The following DACH2 variants were observed in gnomAD, a reference collection of about 807,000 sequenced individuals.
DACH2 encodes dachshund family transcription factor 2, also known as dachshund homolog 2.
Under a neutral mutation model 35.8 loss-of-function variants are expected in DACH2, and 17 were observed. The observed-to-expected ratio is 0.48, with a 90% CI of 0.33 to 0.71. The LOEUF is 0.71. Ranked by LOEUF, DACH2 falls within the 30% of genes least tolerant of loss-of-function variation. The pLI, the probability that DACH2 is intolerant of heterozygous loss-of-function variation, is 0.02. For missense variants in DACH2, 469 were observed against 472.7 expected (o/e 0.99, Z 0.07); for synonymous variants, 195 against 177.3 (o/e 1.10, Z -0.79).
chrX:86,420,768 T>C (rs150820671), intron 2 of DACH2, among the ~76,000 whole-genome samples: 4,440 of 111,419 alleles, frequency 0.04, 92 homozygotes, highest in Non-Finnish European at 0.063. Flanking sequence ...ACGTTTAAAG[T>C]TATTTGCTTC....
chrX:86,197,380 A>AG (rs1269187390), intron 1 of DACH2, among the ~76,000 whole-genome samples: 2 of 111,993 alleles, frequency 1.8e-5, no homozygotes, highest in Non-Finnish European at 3.8e-5. Flanking sequence ...CAGTAATATC[A>AG]TAATGACAGG....
intron 5 of DACH2, among the ~76,000 whole-genome samples, chrX:86,713,107 C>T (rs1192246263): frequency 9.0e-6 from 1 of 111,460 alleles, no homozygotes; most frequent in Non-Finnish European, 1.9e-5. Context: ...TTTGTACTTT[C>T]TTGTTAACAG....
intron 3 of DACH2, among the ~76,000 whole-genome samples, chrX:86,647,652 T>G (rs746804950): frequency 2.7e-5 from 3 of 110,799 alleles, no homozygotes. Flanking sequence ...CTTAAAACTT[T>G]GCTAAGAGGG....
chrX:86,309,860 G>C (rs1262162886), intron 1 of DACH2, among the ~76,000 whole-genome samples: 1 of 112,138 alleles, frequency 8.9e-6, no homozygotes, highest in Non-Finnish European at 1.9e-5. Flanking sequence ...CCCAAAGGCT[G>C]CCAGTTTTGG....
At chrX:86,292,210 CG>C (rs1426560106) in intron 1 of DACH2, among the ~76,000 whole-genome samples, 1 of 88,342 alleles carries the variant, frequency 1.1e-5, no homozygotes, top group Admixed American at 1.4e-4. Context: ...AGTTTATTTG[CG>C]TAGAGGTGTT....
intron 4 of DACH2, among the ~76,000 whole-genome samples, chrX:86,665,688 T>C (rs1355137651): frequency 9.0e-6 from 1 of 111,564 alleles, no homozygotes; most frequent in Non-Finnish European, 1.9e-5. Flanking sequence ...TTTTGTATCA[T>C]CTATATTTTG....
At chrX:86,806,869 C>T (rs2042349676) in intron 7 of DACH2, among the ~76,000 whole-genome samples, 1 of 111,811 alleles carries the variant, frequency 8.9e-6, no homozygotes, top group Non-Finnish European at 1.9e-5. Context: ...GCTTCCCAAC[C>T]AGTATTGACA....
intron 1 of DACH2, among the ~76,000 whole-genome samples, chrX:86,289,733 C>T (rs1374125861): frequency 2.9e-4 from 31 of 108,727 alleles, no homozygotes; most frequent in African/African-American, 1.0e-3. Context: ...CCTCCATGTC[C>T]CTACAAAGGA....
chrX:86,318,345 C>T (rs757646544), intron 1 of DACH2, among the ~76,000 whole-genome samples: 1 of 111,439 alleles, frequency 9.0e-6, no homozygotes, highest in Admixed American at 9.6e-5. Context: ...GAGTCCTGTA[C>T]ATTTTTCTGT....
At chrX:86,525,648 A>G (rs1262683215) in intron 3 of DACH2, among the ~76,000 whole-genome samples, 2 of 111,507 alleles carry the variant, frequency 1.8e-5, no homozygotes, top group East Asian at 5.7e-4. Flanking sequence ...GCCAAACTCC[A>G]CTACTCTGGC....
chrX:86,160,685 A>G, intron 1 of DACH2: 2 of 490,875 alleles, frequency 4.1e-6, no homozygotes, highest in South Asian at 5.9e-5. Flanking sequence ...CACATTCTTG[A>G]TATTGAAGCC....
At chrX:86,325,103 A>AT (rs1556027427) in intron 1 of DACH2, among the ~76,000 whole-genome samples, 1 of 110,447 alleles carries the variant, frequency 9.1e-6, no homozygotes, top group Non-Finnish European at 1.9e-5. Flanking sequence ...AAGAAAAAAA[A>AT]TTGTGACTTG....
At chrX:86,601,720 A>G (rs2039792117) in intron 3 of DACH2, among the ~76,000 whole-genome samples, 1 of 112,431 alleles carries the variant, frequency 8.9e-6, no homozygotes, top group African/African-American at 3.2e-5. Context: ...CCATTTGATC[A>G]TTATATGTTT....
chrX:86,576,722 A>G (rs765569231), intron 3 of DACH2, among the ~76,000 whole-genome samples: 54 of 111,369 alleles, frequency 4.8e-4, no homozygotes, highest in Non-Finnish European at 9.2e-4. Context: ...AGGGCCTACT[A>G]GGAGGTGTTT....
intron 4 of DACH2, among the ~76,000 whole-genome samples, chrX:86,654,087 C>T (rs5923581): frequency 0.34 from 36,040 of 104,881 alleles, 4,997 homozygotes; most frequent in Middle Eastern, 0.44. Context: ...TTGGCCTGCA[C>T]GGCAGTGGTC....
chrX:86,432,844 T>C lies in DACH2; in HGVS notation c.527+55982T>C, dbSNP rs182601792. On this transcript the variant is annotated intron_variant, in intron 2 of 11. Coordinates refer to ENST00000373125, the MANE Select transcript of DACH2 (RefSeq NM_053281.3). ...TAGTTAAAAGCTGTGCTTGTGGATG[T>C]GAATCACATTGTGAAAATGAATCTA... is the stretch of plus-strand genomic sequence containing the variant. Among the ~76,000 whole-genome samples the C allele has an allele frequency of 4.0e-3, 448 of 112,396 alleles. 3 individuals are homozygous for C. The highest frequency in any genetic ancestry group is 0.014 in the African/African-American group (423 of 30,993).
intron 3 of DACH2, among the ~76,000 whole-genome samples, chrX:86,534,085 T>C (rs1168796582): frequency 8.9e-6 from 1 of 112,345 alleles, no homozygotes; most frequent in East Asian, 2.8e-4. Context: ...GCAAATTCCC[T>C]ATAGCCTGAT....
chrX:86,255,536 A>C (rs2033500715), intron 1 of DACH2, among the ~76,000 whole-genome samples: 1 of 111,327 alleles, frequency 9.0e-6, no homozygotes, highest in Non-Finnish European at 1.9e-5. Context: ...ATAACTAACT[A>C]GGCGATATTA....
intron 7 of DACH2, among the ~76,000 whole-genome samples, chrX:86,743,200 G>A (rs963861343): frequency 9.0e-6 from 1 of 111,046 alleles, no homozygotes; most frequent in Non-Finnish European, 1.9e-5. Flanking sequence ...AGCCCATCAG[G>A]TATTTACCTG....
Sources: gnomAD v4.1 joint callset for allele counts (sites outside exome capture counted in the v4.1 genomes callset) on GRCh38, gnomAD v4.1.1 for gene constraint, MANE v1.5 for transcripts, NCBI Gene and HGNC (gene_info 2026-07-23, HGNC 2026-07-21) for gene names.